Variants in VPS13B observed in about 807,000 individuals in gnomAD.
VPS13B encodes intermembrane lipid transfer protein VPS13B.
VPS13B carries 285 observed loss-of-function variants against 426.4 expected under a neutral mutation model. The observed-to-expected ratio is 0.67, with a 90% CI of 0.61 to 0.74. The LOEUF is 0.74. Among genes scored for constraint, VPS13B ranks in the 30% least tolerant of loss-of-function variants. VPS13B has a pLI of 0.00. For missense variants in VPS13B, 4,537 were observed against 4,782.6 expected (o/e 0.95, Z 1.51); for synonymous variants, 1,676 against 1,676.4 (o/e 1.00, Z 0.01).
intron 8 of VPS13B, among the ~76,000 whole-genome samples, chr8:99,131,533 G>C (rs1436732689): frequency 4.6e-5 from 7 of 152,134 alleles, no homozygotes; most frequent in African/African-American, 1.7e-4. Flanking sequence ...GCAATAAAGC[G>C]AGTCACAGAA....
chr8:99,099,145 G>A (rs1271983145), intron 4 of VPS13B, among the ~76,000 whole-genome samples: 2 of 151,982 alleles, frequency 1.3e-5, no homozygotes, highest in Non-Finnish European at 2.9e-5. Flanking sequence ...TAAATCTGAT[G>A]TTTTTAATTC....
At chr8:99,644,907 C>T (rs1013826089) in intron 34 of VPS13B, among the ~76,000 whole-genome samples, 1 of 152,198 alleles carries the variant, frequency 6.6e-6, no homozygotes, top group Non-Finnish European at 1.5e-5. Context: ...CGCATTATCT[C>T]ATTTCATGCT....
At chr8:99,346,941 T>C (rs1343819917) in intron 19 of VPS13B, 2 of 152,656 alleles carry the variant, frequency 1.3e-5, no homozygotes, top group East Asian at 3.8e-4. Flanking sequence ...GTTTGCTTTA[T>C]TGTGGCCTGT....
rs569572793 is a variant in VPS13B at position 99,673,143 on chromosome 8, A to G, written c.6046+11652A>G. On this transcript the variant is annotated intron_variant, in intron 35 of 61. Transcript: ENST00000357162. ...TCATATCAGGCTAATACTGGCTTAT[A>G]GAATAAATTTGGAAATATTTCCCTC... is the stretch of plus-strand genomic sequence containing the variant. Among the ~76,000 whole-genome samples, 193 of 152,196 alleles carry G rather than the reference A, an allele frequency of 1.3e-3. 2 individuals are homozygous for G. Among genetic ancestry groups the G allele is most frequent in the African/African-American group, 4.4e-3 (181 of 41,556 alleles).
intron 21 of VPS13B, among the ~76,000 whole-genome samples, chr8:99,411,198 A>G (rs1815639813): frequency 6.6e-6 from 1 of 151,956 alleles, no homozygotes; most frequent in Admixed American, 6.6e-5. Flanking sequence ...AAGTGTTCCT[A>G]TTCTCTGCAT....
chr8:99,101,632 C>G (rs1846755279), intron 4 of VPS13B, among the ~76,000 whole-genome samples: 1 of 152,174 alleles, frequency 6.6e-6, no homozygotes, highest in Non-Finnish European at 1.5e-5. Flanking sequence ...TGATAATTGG[C>G]ACTCTAAAAG....
chr8:99,733,596 A>G (rs764168587), intron 39 of VPS13B, among the ~76,000 whole-genome samples: 1 of 152,230 alleles, frequency 6.6e-6, no homozygotes. Flanking sequence ...GTTCTGTCCT[A>G]GATTTTGAAT....
chr8:99,293,298 T>C (rs1317486151), intron 19 of VPS13B, among the ~76,000 whole-genome samples: 20 of 120,176 alleles, frequency 1.7e-4, no homozygotes, highest in African/African-American at 6.1e-4. Flanking sequence ...GGGAAAGGAT[T>C]CCCTATTTAA....
intron 2 of VPS13B, among the ~76,000 whole-genome samples, chr8:99,020,849 T>C (rs753499139): frequency 3.9e-5 from 6 of 152,198 alleles, no homozygotes; most frequent in Non-Finnish European, 8.8e-5. Flanking sequence ...TGTAGCATCG[T>C]AGTGAGTTTC....
intron 21 of VPS13B, among the ~76,000 whole-genome samples, chr8:99,395,832 A>C (rs1588328526): frequency 6.6e-6 from 1 of 152,314 alleles, no homozygotes; most frequent in Non-Finnish European, 1.5e-5. Context: ...CTATATGTTA[A>C]AACAGGTGTC....
At chr8:99,342,542 G>T (rs1811310314) in intron 19 of VPS13B, among the ~76,000 whole-genome samples, 1 of 151,596 alleles carries the variant, frequency 6.6e-6, no homozygotes, top group Non-Finnish European at 1.5e-5. Context: ...TGTCCTCCAG[G>T]TTCATCTATG....
intron 39 of VPS13B, among the ~76,000 whole-genome samples, chr8:99,721,755 C>CA (rs1270078783): frequency 1.3e-5 from 2 of 152,172 alleles, no homozygotes; most frequent in African/African-American, 4.8e-5. Flanking sequence ...TTCCCTGCGT[C>CA]AAAACCCATC....
At chr8:99,745,563 A>T (rs1397809592) in intron 39 of VPS13B, among the ~76,000 whole-genome samples, 3 of 152,128 alleles carry the variant, frequency 2.0e-5, no homozygotes, top group Non-Finnish European at 4.4e-5. Flanking sequence ...GTATGCATGT[A>T]TAGAAAAGAA....
intron 60 of VPS13B, 124 bp from the exon 61 acceptor site, chr8:99,871,324 G>A (rs1401916600): frequency 1.4e-6 from 2 of 1,413,238 alleles, no homozygotes; most frequent in African/African-American, 1.4e-5. Context: ...AGCTAAAATG[G>A]GTAACTGGAT....
Position 99,766,946 on chromosome 8 carries a change from G to C in VPS13B, c.7223G>C (p.Ser2408Thr). 6.2e-7 allele frequency: 1 copy of C among 1,613,938 alleles called. No homozygotes were observed. Among genetic ancestry groups the C allele is most frequent in the Non-Finnish European group, 8.5e-7 (1 of 1,179,944 alleles). Residue 2408 changes from serine to threonine, a missense_variant, in exon 40 of 62, where the codon AGT (serine) becomes ACT (threonine). Physicochemically the swap from Ser to Thr is moderately conservative, Grantham distance 58 (BLOSUM62 1). This residue lies in a region of VPS13B where 4,311 missense variants were observed against 4,474.3 expected (regional missense o/e 0.96). Coordinates refer to ENST00000357162, the MANE Select transcript of VPS13B (RefSeq NM_152564.5). Reference protein sequence around the residue: ...SDLWRIVLNSSQNGADDQSSA... With the variant: ...SDLWRIVLNSTQNGADDQSSA... ...CTTTGGAGAATTGTCTTGAACAGCA[G>C]TCAAAATGGAGCTGATGACCAAAGG...
At chr8:99,298,847 T>G (rs1472606815) in intron 19 of VPS13B, among the ~76,000 whole-genome samples, 2 of 152,186 alleles carry the variant, frequency 1.3e-5, no homozygotes. Context: ...TTGGCCCCCT[T>G]ACAGGGATTG....
At chr8:99,186,906 CTA>C (rs1813248592) in intron 16 of VPS13B, among the ~76,000 whole-genome samples, 1 of 152,042 alleles carries the variant, frequency 6.6e-6, no homozygotes, top group Admixed American at 6.5e-5. Context: ...TTATTCAAGT[CTA>C]TGTTATCCAT....
At chr8:99,234,141 G>C (rs1364656364) in intron 17 of VPS13B, 24 of 784,252 alleles carry the variant, frequency 3.1e-5, no homozygotes, top group Middle Eastern at 2.5e-4. Context: ...GCTCGCTGAG[G>C]GGGTAAAGGG....
intron 52 of VPS13B, among the ~76,000 whole-genome samples, chr8:99,832,966 C>T (rs1308346879): frequency 2.6e-5 from 4 of 152,118 alleles, no homozygotes; most frequent in African/African-American, 9.7e-5. Flanking sequence ...ATGAAAAGAT[C>T]ATATCATAAT....
Sources: gnomAD v4.1 joint callset for allele counts (sites outside exome capture counted in the v4.1 genomes callset) on GRCh38, gnomAD v4.1.1 for gene constraint, gnomAD v4.1.1 regional missense constraint, MANE v1.5 for transcripts, NCBI Gene and HGNC (gene_info 2026-07-23, HGNC 2026-07-21) for gene names.